Variants in MICU1 observed in about 807,000 individuals in gnomAD.
MICU1 encodes the protein calcium uptake protein 1, mitochondrial.
A neutral mutation model predicts 56.8 loss-of-function variants in MICU1; 45 were observed. That is an observed-to-expected ratio of 0.79 (90% confidence interval 0.62 to 1.02). The LOEUF (loss-of-function observed/expected upper bound fraction) is 1.02, where lower values mean the gene tolerates loss of function less well. Among genes scored for constraint, MICU1 ranks in the 50% least tolerant of loss-of-function variants. The probability of loss-of-function intolerance (pLI) is 0.00; values close to 1 mark genes in which losing one functional copy is unlikely to be tolerated. For synonymous variants in MICU1, 186 were observed against 195.1 expected (o/e 0.95, Z 0.39); for missense variants, 504 against 587.1 (o/e 0.86, Z 1.46).
chr10:72,380,029 G>C (rs1168710382), intron 10 of MICU1, among the ~76,000 whole-genome samples: 1 of 152,200 alleles, frequency 6.6e-6, no homozygotes, highest in Non-Finnish European at 1.5e-5. Context: ...CCAAGTGCTT[G>C]ACAGCTGGTC....
At chr10:72,450,869 T>C (rs1424261404) in intron 8 of MICU1, among the ~76,000 whole-genome samples, 1 of 150,056 alleles carries the variant, frequency 6.7e-6, no homozygotes, top group Non-Finnish European at 1.5e-5. Context: ...GGATTACAGC[T>C]GTGCACCACC....
intron 3 of MICU1, chr10:72,562,601 G>A (rs1331154909): frequency 4.4e-6 from 1 of 226,158 alleles, no homozygotes; most frequent in Admixed American, 5.7e-5. Context: ...TAACATATAT[G>A]ATAACATTTA....
intron 10 of MICU1, among the ~76,000 whole-genome samples, chr10:72,387,649 G>C (rs1862934970): frequency 6.6e-6 from 1 of 151,912 alleles, no homozygotes; most frequent in Non-Finnish European, 1.5e-5. Flanking sequence ...GAACCTAGAA[G>C]CTTCAATCCT....
At chr10:72,427,617 G>A (rs1481398726) in intron 8 of MICU1, among the ~76,000 whole-genome samples, 2 of 151,724 alleles carry the variant, frequency 1.3e-5, no homozygotes, top group East Asian at 1.9e-4. Context: ...TAAATTTTGG[G>A]GACCAGGTGT....
At chr10:72,400,289 C>T (rs1485352075) in intron 10 of MICU1, among the ~76,000 whole-genome samples, 1 of 152,020 alleles carries the variant, frequency 6.6e-6, no homozygotes, top group Non-Finnish European at 1.5e-5. Flanking sequence ...CCTTTGCTAA[C>T]ACTACCCTGA....
At chr10:72,522,802 C>T (rs1385251156) in intron 5 of MICU1, among the ~76,000 whole-genome samples, 6 of 152,104 alleles carry the variant, frequency 3.9e-5, no homozygotes, top group African/African-American at 1.2e-4. Context: ...TGTTCATTGA[C>T]CTTTGGAAGC....
intron 10 of MICU1, among the ~76,000 whole-genome samples, chr10:72,387,576 T>C (rs74401764): frequency 0.041 from 6,235 of 152,220 alleles, 421 homozygotes; most frequent in African/African-American, 0.14. Context: ...AGAGAACTTT[T>C]TTAATAAAGG....
intron 10 of MICU1, among the ~76,000 whole-genome samples, chr10:72,393,076 C>T (rs1396033504): frequency 6.6e-6 from 1 of 152,204 alleles, no homozygotes; most frequent in Non-Finnish European, 1.5e-5. Flanking sequence ...GTTCCCTGGG[C>T]TGCTGGGAAG....
At chr10:72,536,098 G>GATAC (rs1188489994) in intron 4 of MICU1, among the ~76,000 whole-genome samples, 1 of 151,992 alleles carries the variant, frequency 6.6e-6, no homozygotes, top group Non-Finnish European at 1.5e-5. Context: ...TTTGTTAAAG[G>GATAC]ATACAAAATT....
intron 1 of MICU1, among the ~76,000 whole-genome samples, chr10:72,584,015 G>A (rs1304633722): frequency 6.6e-6 from 1 of 152,126 alleles, no homozygotes; most frequent in Non-Finnish European, 1.5e-5. Flanking sequence ...AGTTACACAA[G>A]TCTCTACAGT....
At chr10:72,489,181 T>C (rs979497223) in intron 6 of MICU1, among the ~76,000 whole-genome samples, 1 of 151,746 alleles carries the variant, frequency 6.6e-6, no homozygotes, top group African/African-American at 2.4e-5. Context: ...TCCCAGCTAC[T>C]TGGGAGGCTG....
intron 9 of MICU1, 46 bp from the exon 10 acceptor site, chr10:72,408,083 A>G: frequency 7.8e-7 from 1 of 1,281,592 alleles, no homozygotes; most frequent in Non-Finnish European, 1.1e-6. Flanking sequence ...TGTAACAAAA[A>G]GCAGCACGAT....
At chr10:72,577,808 T>G (rs780092065) in intron 1 of MICU1, among the ~76,000 whole-genome samples, 3 of 152,228 alleles carry the variant, frequency 2.0e-5, no homozygotes, top group Non-Finnish European at 4.4e-5. Flanking sequence ...AGTTCATCCA[T>G]GTTCATACAG....
At chr10:72,624,343 C>T (rs1174991796) in intron 1 of MICU1, among the ~76,000 whole-genome samples, 5 of 152,166 alleles carry the variant, frequency 3.3e-5, no homozygotes, top group South Asian at 2.1e-4. Flanking sequence ...TACAGGCATG[C>T]GCCCAGCTAA....
At chr10:72,413,616 C>G (rs553787166) in intron 9 of MICU1, among the ~76,000 whole-genome samples, 17 of 152,132 alleles carry the variant, frequency 1.1e-4, no homozygotes, top group Admixed American at 3.3e-4. Flanking sequence ...CACCTGTAAT[C>G]CCAGTGACTC....
chr10:72,378,644 G>GC (rs1280800359), intron 10 of MICU1, among the ~76,000 whole-genome samples: 3 of 152,142 alleles, frequency 2.0e-5, no homozygotes, highest in South Asian at 2.1e-4. Flanking sequence ...TCACCACAGT[G>GC]CCCCCAACAT....
At chr10:72,610,274 A>AAT (rs34950109) in intron 1 of MICU1, among the ~76,000 whole-genome samples, 2 of 151,404 alleles carry the variant, frequency 1.3e-5, no homozygotes, top group African/African-American at 4.8e-5. Context: ...AAAAAAAAAA[A>AAT]TAGTAAAAAA....
chr10:72,509,943 T>C (rs1410874095), intron 5 of MICU1, among the ~76,000 whole-genome samples: 2 of 152,082 alleles, frequency 1.3e-5, no homozygotes, highest in Non-Finnish European at 2.9e-5. Context: ...AGGTAAACTA[T>C]GTGAACAGGA....
At chr10:72,373,951 A>T (rs1188399593) in intron 11 of MICU1, among the ~76,000 whole-genome samples, 3 of 152,212 alleles carry the variant, frequency 2.0e-5, no homozygotes, top group Non-Finnish European at 4.4e-5. Flanking sequence ...TTAAATTTAA[A>T]TGTAGCTAAT....
Sources: gnomAD v4.1 joint callset for allele counts (sites outside exome capture counted in the v4.1 genomes callset) on GRCh38, gnomAD v4.1.1 for gene constraint, MANE v1.5 for transcripts, NCBI Gene and HGNC (gene_info 2026-07-23, HGNC 2026-07-21) for gene names.